Variants in ICA1 observed in about 807,000 individuals in gnomAD.
ICA1 encodes islet cell autoantigen 1.
A neutral mutation model predicts 71.0 loss-of-function variants in ICA1; 40 were observed. That is an observed-to-expected ratio of 0.56 (90% confidence interval 0.44 to 0.73). The LOEUF (loss-of-function observed/expected upper bound fraction) is 0.73, where lower values mean the gene tolerates loss of function less well. Ranked by LOEUF, ICA1 falls within the 30% of genes least tolerant of loss-of-function variation. The probability of loss-of-function intolerance (pLI) is 0.00; values close to 1 mark genes in which losing one functional copy is unlikely to be tolerated. For missense variants in ICA1, 578 were observed against 576.5 expected (o/e 1.00, Z -0.03); for synonymous variants, 207 against 209.5 (o/e 0.99, Z 0.10).
At chr7:8,160,473 T>C (rs143398485) in intron 6 of ICA1, among the ~76,000 whole-genome samples, 15 of 152,280 alleles carry the variant, frequency 9.9e-5, no homozygotes, top group African/African-American at 3.4e-4. Context: ...TCCAAAGCCA[T>C]GCTATTCTGC....
chr7:8,197,529 G>A (rs1788074811), intron 6 of ICA1, among the ~76,000 whole-genome samples: 1 of 130,472 alleles, frequency 7.7e-6, no homozygotes, highest in Admixed American at 8.3e-5. Flanking sequence ...TTAGGCAATA[G>A]AGTGGGACTT....
At chr7:8,165,217 T>G (rs899014133) in intron 6 of ICA1, among the ~76,000 whole-genome samples, 1 of 152,224 alleles carries the variant, frequency 6.6e-6, no homozygotes, top group African/African-American at 2.4e-5. Context: ...CTGAATTCCT[T>G]TAATTAACAC....
chr7:8,177,628 G>T (rs1011787792), intron 6 of ICA1, among the ~76,000 whole-genome samples: 1 of 152,064 alleles, frequency 6.6e-6, no homozygotes, highest in African/African-American at 2.4e-5. Context: ...ATTTGCTTCT[G>T]TCTCTTGGCT....
chr7:8,232,727 A>G lies in ICA1; in HGVS notation c.46T>C (p.Tyr16His). ...CSYPWDLQDR[Y>H]AQDKSVVNKM... ...TTTACAACTGACTTATCTTGAGCAT[A>G]TCGATCCTGTAAGTCCCAGGGATAA... The change falls in exon 3 of 14, where the codon TAT (tyrosine) becomes CAT (histidine). Residue 16 changes from tyrosine (Y) to histidine (H), a missense_variant. By Grantham distance (83) the Tyr-to-His change is moderately conservative. Transcript: ENST00000402384. The G allele has an allele frequency of 6.2e-7, 1 of 1,606,904 alleles. No homozygotes were observed. The highest frequency in any genetic ancestry group is 8.5e-7 in the Non-Finnish European group (1 of 1,176,838).
intron 6 of ICA1, among the ~76,000 whole-genome samples, chr7:8,206,837 T>C (rs1791767471): frequency 6.6e-6 from 1 of 152,184 alleles, no homozygotes; most frequent in South Asian, 2.1e-4. Flanking sequence ...TCTTCATTTA[T>C]TTCACATGCA....
chr7:8,115,927 A>G (rs1364574620), intron 13 of ICA1, among the ~76,000 whole-genome samples: 2 of 152,244 alleles, frequency 1.3e-5, no homozygotes, highest in Admixed American at 6.5e-5. Context: ...CTGGCTAAAA[A>G]TAGCAAACCT....
chr7:8,186,573 A>C (rs1272152416), intron 6 of ICA1, among the ~76,000 whole-genome samples: 1 of 152,166 alleles, frequency 6.6e-6, no homozygotes, highest in Non-Finnish European at 1.5e-5. Flanking sequence ...GGGATGGATG[A>C]CAGAGAGATT....
intron 6 of ICA1, among the ~76,000 whole-genome samples, chr7:8,193,022 T>G (rs1226369161): frequency 6.6e-6 from 1 of 152,170 alleles, no homozygotes; most frequent in Non-Finnish European, 1.5e-5. Flanking sequence ...AAGCCCTAGT[T>G]CCTTTTAGTG....
intron 8 of ICA1, among the ~76,000 whole-genome samples, chr7:8,149,574 T>C (rs1295318187): frequency 6.6e-6 from 1 of 152,224 alleles, no homozygotes; most frequent in Non-Finnish European, 1.5e-5. Flanking sequence ...AACAGCAACA[T>C]TCATCTGAAT....
chr7:8,231,243 C>G (rs1937271368), intron 3 of ICA1, among the ~76,000 whole-genome samples: 1 of 151,940 alleles, frequency 6.6e-6, no homozygotes. Context: ...GGACTGAGAA[C>G]TGAGACAAGG....
intron 6 of ICA1, among the ~76,000 whole-genome samples, chr7:8,186,378 G>T (rs894979482): frequency 6.6e-6 from 1 of 152,180 alleles, no homozygotes; most frequent in African/African-American, 2.4e-5. Context: ...TGGGAATACA[G>T]TATTGGACCT....
intron 2 of ICA1, among the ~76,000 whole-genome samples, chr7:8,233,996 G>A (rs1477895340): frequency 2.0e-5 from 3 of 152,160 alleles, no homozygotes; most frequent in Non-Finnish European, 2.9e-5. Context: ...GCCCAGGCAG[G>A]AGGACTGCTT....
intron 1 of ICA1, among the ~76,000 whole-genome samples, chr7:8,249,819 C>T (rs1252143602): frequency 6.6e-6 from 1 of 152,212 alleles, no homozygotes; most frequent in Non-Finnish European, 1.5e-5. Context: ...GTGTCTCCTA[C>T]TCAGTTTATT....
intron 8 of ICA1, among the ~76,000 whole-genome samples, chr7:8,156,327 G>A (rs1801494506): frequency 6.6e-6 from 1 of 152,212 alleles, no homozygotes; most frequent in African/African-American, 2.4e-5. Context: ...ACGATAAAGA[G>A]CAAGGCAAGT....
At chr7:8,238,125 C>G (rs979946000) in intron 1 of ICA1, among the ~76,000 whole-genome samples, 2 of 152,160 alleles carry the variant, frequency 1.3e-5, no homozygotes, top group Non-Finnish European at 2.9e-5. Context: ...TAATGTATCT[C>G]TCTGAGATCC....
intron 12 of ICA1, among the ~76,000 whole-genome samples, chr7:8,136,454 A>G (rs1427152811): frequency 6.6e-6 from 1 of 152,246 alleles, no homozygotes; most frequent in Non-Finnish European, 1.5e-5. Flanking sequence ...TTTGAAGTCA[A>G]CAAATTAATG....
At position 8,173,081 on chromosome 7, in the gene ICA1, T is replaced by A. The variant is rs186785027; in HGVS notation, c.580-14429A>T. Among the ~76,000 whole-genome samples the A allele has an allele frequency of 2.0e-5, 3 of 152,308 alleles. No individual in the cohort carries two copies. The East Asian group carries it at 5.8e-4, about 29-fold the overall frequency. On this transcript the variant is annotated intron_variant, in intron 6 of 13. Coordinates refer to ENST00000402384, the MANE Select transcript of ICA1 (RefSeq NM_001136020.3). This position sits in a 1 kb window ranked among gnomAD's most constrained non-coding sequence, Gnocchi z 4.0. ...AAGATTTAATCATTTAAAATGCATT[T>A]TCTGGCTCTGTTCACTGTAAAGGTC...
At chr7:8,218,611 G>T (rs1796108131) in intron 5 of ICA1, 108 bp from the exon 6 acceptor site, 2 of 812,702 alleles carry the variant, frequency 2.5e-6, no homozygotes, top group South Asian at 3.1e-5. Flanking sequence ...TACCTGGAAT[G>T]TAGAAGATGC....
At chr7:8,148,923 C>G (rs1288001741) in intron 8 of ICA1, among the ~76,000 whole-genome samples, 2 of 152,302 alleles carry the variant, frequency 1.3e-5, no homozygotes, top group African/African-American at 4.8e-5. Context: ...ACAGGATATT[C>G]TCTAGACTGC....
Sources: gnomAD v4.1 joint callset for allele counts (sites outside exome capture counted in the v4.1 genomes callset) on GRCh38, gnomAD v4.1.1 for gene constraint, Gnocchi (gnomAD v3.1) non-coding constraint, MANE v1.5 for transcripts, NCBI Gene and HGNC (gene_info 2026-07-23, HGNC 2026-07-21) for gene names.